The following COL4A5 variants were observed in gnomAD, a reference collection of about 807,000 sequenced individuals.
The protein encoded by COL4A5 is collagen alpha-5(IV) chain.
A neutral mutation model predicts 130.2 loss-of-function variants in COL4A5; 26 were observed. The observed-to-expected ratio is 0.20, with a 90% confidence interval of 0.15 to 0.28. The LOEUF (loss-of-function observed/expected upper bound fraction) is 0.28. COL4A5 is among the 10% of genes least tolerant of loss of function. COL4A5 has a pLI of 1.00. For missense variants in COL4A5, 1,131 were observed against 1,344.3 expected (o/e 0.84, Z 2.48); for synonymous variants, 496 against 439.6 (o/e 1.13, Z -1.60).
intron 41 of COL4A5, 81 bp from the exon 42 acceptor site, chrX:108,670,146 CT>C: frequency 5.9e-6 from 6 of 1,020,440 alleles, no homozygotes; most frequent in African/African-American, 3.8e-5. Context: ...TTTTTAGTTT[CT>C]TGATATTTCT....
chrX:108,630,597 C>T (rs1339262786), intron 36 of COL4A5, among the ~76,000 whole-genome samples: 3 of 111,849 alleles, frequency 2.7e-5, no homozygotes, highest in South Asian at 3.7e-4. Flanking sequence ...TTCTCCCATT[C>T]TGTGGGTTGC....
intron 1 of COL4A5, among the ~76,000 whole-genome samples, chrX:108,476,839 C>T (rs768588349): frequency 4.5e-5 from 5 of 111,791 alleles, no homozygotes; most frequent in Non-Finnish European, 9.4e-5. Flanking sequence ...TGTTGATGGA[C>T]ACATGGTTGC....
At chrX:108,610,575 T>C (rs766316762) in intron 29 of COL4A5, among the ~76,000 whole-genome samples, 25 of 112,132 alleles carry the variant, frequency 2.2e-4, no homozygotes, top group African/African-American at 7.8e-4. Flanking sequence ...ATTTGAAATA[T>C]GTGGCAAACA....
At chrX:108,682,316 C>T (rs1297564793) in intron 47 of COL4A5, among the ~76,000 whole-genome samples, 1 of 111,821 alleles carries the variant, frequency 8.9e-6, no homozygotes, top group Non-Finnish European at 1.9e-5. Flanking sequence ...TGGATTGGTT[C>T]CAAGTCTTTG....
At chrX:108,649,776 TAAATC>T (rs1168178016) in intron 36 of COL4A5, among the ~76,000 whole-genome samples, 1 of 112,109 alleles carries the variant, frequency 8.9e-6, no homozygotes, top group Non-Finnish European at 1.9e-5. Context: ...ATTAAGGACT[TAAATC>T]TAAGACCTGA....
chrX:108,679,410 C>T (rs775889051), intron 44 of COL4A5, among the ~76,000 whole-genome samples: 22 of 110,855 alleles, frequency 2.0e-4, no homozygotes, highest in African/African-American at 6.2e-4. Context: ...TCTGGTTTAC[C>T]TATGCATTTC....
chrX:108,618,558 T>C (rs973422903), intron 30 of COL4A5, among the ~76,000 whole-genome samples: 1 of 112,036 alleles, frequency 8.9e-6, no homozygotes, highest in Admixed American at 9.5e-5. Flanking sequence ...TATGTCATTA[T>C]TGGCAAATAC....
At chrX:108,488,087 A>G (rs1391536125) in intron 1 of COL4A5, among the ~76,000 whole-genome samples, 2 of 112,458 alleles carry the variant, frequency 1.8e-5, no homozygotes, top group Non-Finnish European at 3.8e-5. Context: ...GTGTACAATT[A>G]AAGGTCTCAC....
At chrX:108,604,610 C>T (rs778128614) in intron 28 of COL4A5, among the ~76,000 whole-genome samples, 1 of 111,998 alleles carries the variant, frequency 8.9e-6, no homozygotes, top group Non-Finnish European at 1.9e-5. Flanking sequence ...GCATTGGTTT[C>T]AACTTAAAGT....
chrX:108,444,847 T>C (rs1484035151), intron 1 of COL4A5, among the ~76,000 whole-genome samples: 2 of 112,045 alleles, frequency 1.8e-5, no homozygotes, highest in African/African-American at 6.5e-5. Context: ...CTTCTGGTAT[T>C]TCTCTTCACA....
At chrX:108,556,925 T>A (rs2065830669) in intron 2 of COL4A5, among the ~76,000 whole-genome samples, 1 of 111,515 alleles carries the variant, frequency 9.0e-6, no homozygotes, top group South Asian at 3.8e-4. Flanking sequence ...GACCATGATA[T>A]TATTTGACTG....
intron 1 of COL4A5, among the ~76,000 whole-genome samples, chrX:108,450,419 A>G (rs1485965272): frequency 1.8e-5 from 2 of 111,941 alleles, no homozygotes; most frequent in African/African-American, 6.5e-5. Flanking sequence ...TTGAAAAACA[A>G]CTGAGACAAA....
In COL4A5 at chrX:108,597,548, C is replaced by A; in HGVS notation, c.1759C>A (p.Pro587Thr). The A allele has an allele frequency of 8.3e-7, 1 of 1,210,159 alleles. No homozygotes were observed. The highest frequency in any genetic ancestry group is 3.0e-5 in the East Asian group (1 of 33,760). Reference sequence around the variant, plus strand: ...TGGACAGGATGGATTGCCAGGGCTTCCTGGCCCGAAAGGAGAGCCTGTGAG... The same window carrying A: ...TGGACAGGATGGATTGCCAGGGCTTACTGGCCCGAAAGGAGAGCCTGTGAG... ...TPGQDGLPGL[P>T]GPKGEPGGIT... Residue 587 changes from proline to threonine, a missense_variant, in exon 24 of 53, where the codon CCT (proline) becomes ACT (threonine). Transcript: ENST00000328300.
chrX:108,633,086 G>A (rs920710113), intron 36 of COL4A5, among the ~76,000 whole-genome samples: 8 of 111,305 alleles, frequency 7.2e-5, no homozygotes, highest in Admixed American at 1.9e-4. Context: ...AAACCCCACC[G>A]TCTCAGCCCC....
intron 37 of COL4A5, among the ~76,000 whole-genome samples, chrX:108,658,584 T>A (rs2067891608): frequency 9.0e-6 from 1 of 111,508 alleles, no homozygotes; most frequent in Non-Finnish European, 1.9e-5. Context: ...TTAAAAGTCT[T>A]TAACAGTTAT....
chrX:108,678,465 C>CTA (rs1330599577), intron 44 of COL4A5, among the ~76,000 whole-genome samples: 1 of 111,594 alleles, frequency 9.0e-6, no homozygotes, highest in Admixed American at 9.6e-5. Flanking sequence ...GTTTCACCTG[C>CTA]TATACCCCTT....
intron 24 of COL4A5, 39 bp from the exon 25 acceptor site, chrX:108,598,663 G>C (rs761291776): frequency 8.9e-7 from 1 of 1,123,462 alleles, no homozygotes; most frequent in Non-Finnish European, 1.2e-6. Context: ...GATAGTTGTT[G>C]TATCTATATG....
intron 44 of COL4A5, among the ~76,000 whole-genome samples, chrX:108,678,576 A>G (rs983144732): frequency 9.0e-6 from 1 of 111,599 alleles, no homozygotes; most frequent in East Asian, 2.8e-4. Flanking sequence ...TATATTTTAT[A>G]AAATTCTTAC....
intron 1 of COL4A5, among the ~76,000 whole-genome samples, chrX:108,493,586 G>A (rs942839419): frequency 1.4e-4 from 16 of 110,455 alleles, no homozygotes; most frequent in Non-Finnish European, 2.7e-4. Context: ...AATCATAAGG[G>A]AATAGATATG....
Sources: allele counts gnomAD v4.1 joint callset (sites outside exome capture counted in the v4.1 genomes callset), GRCh38; gene constraint gnomAD v4.1.1; transcripts MANE v1.5; gene names NCBI Gene and HGNC (gene_info 2026-07-23, HGNC 2026-07-21).